Variants in GABRA5 observed in about 807,000 individuals in gnomAD.
GABRA5 encodes gamma-aminobutyric acid receptor subunit alpha-5.
In GABRA5, 18 loss-of-function variants were observed where a neutral mutation model predicts 47.3. The observed-to-expected ratio is 0.38, with a 90% CI of 0.26 to 0.56. The LOEUF (loss-of-function observed/expected upper bound fraction) is 0.56. GABRA5 is among the 20% of genes least tolerant of loss of function. GABRA5 has a pLI of 0.71. For missense variants in GABRA5, 365 were observed against 599.3 expected, an observed-to-expected ratio of 0.61 and a Z score of 4.08; for synonymous variants, 237 against 229.3, an observed-to-expected ratio of 1.03 and a Z score of -0.30.
At chr15:26,903,068 C>G (rs920322004) in intron 6 of GABRA5, among the ~76,000 whole-genome samples, 2 of 152,012 alleles carry the variant, frequency 1.3e-5, no homozygotes, top group Non-Finnish European at 2.9e-5. Flanking sequence ...GGTATTAAGC[C>G]TAGTAGCCAA....
intron 7 of GABRA5, among the ~76,000 whole-genome samples, chr15:26,934,026 G>C (rs926891447): frequency 3.3e-5 from 5 of 152,032 alleles, no homozygotes; most frequent in African/African-American, 1.2e-4. Context: ...GCTGAGGCGG[G>C]TGTATCGCTT....
At chr15:26,873,616 C>G (rs146338997) in intron 3 of GABRA5, among the ~76,000 whole-genome samples, 42 of 152,300 alleles carry the variant, frequency 2.8e-4, no homozygotes, top group Non-Finnish European at 5.3e-4. Context: ...GGACAGTTCC[C>G]TTCTTTTAAA....
Position 26,874,872 on chromosome 15 carries a change from C to T in GABRA5, c.86+5538C>T, listed in dbSNP as rs113079789. The stretch of plus-strand genomic sequence containing the variant: ...TTGGGCCATCACTGTACTGTCAGTT[C>T]GGTTCCTGTTTCAGGACCGCTGGTG... On this transcript the variant is annotated intron_variant, in intron 3 of 10. Transcript: ENST00000335625. Among the ~76,000 whole-genome samples the T allele has an allele frequency of 6.7e-4, 102 of 152,328 alleles. 1 individual carries two copies. The highest frequency in any genetic ancestry group is 2.0e-3 in the African/African-American group (84 of 41,572).
intron 10 of GABRA5, 38 bp from the exon 11 acceptor site, chr15:26,947,896 C>CA: frequency 6.5e-7 from 1 of 1,526,812 alleles, no homozygotes; most frequent in Non-Finnish European, 8.9e-7. Flanking sequence ...CCATTGCCTG[C>CA]AAATGGCGTG....
rs1329389847 is a variant in GABRA5 at position 26,867,202 on chromosome 15, G to C, written c.-140+91G>C. On this transcript the variant is annotated intron_variant, in intron 1 of 10. Transcript: ENST00000335625. This position sits in a 1 kb window ranked among gnomAD's most constrained non-coding sequence, Gnocchi z 5.9. Reference sequence around the variant, plus strand: ...GGCGCGGCGCGGAGCGGAGCTGCAGGGCGGCGGCGGGAGCGCGGGGCGCAA... The same window carrying C: ...GGCGCGGCGCGGAGCGGAGCTGCAGCGCGGCGGCGGGAGCGCGGGGCGCAA... 6.7e-6 allele frequency: 1 copy of C among 149,552 alleles called. No homozygotes were observed. Among genetic ancestry groups the C allele is most frequent in the African/African-American group, 2.4e-5 (1 of 41,042 alleles). 9.3% of individuals were successfully genotyped at this position (149,552 alleles called of 1,614,324 possible). A position where few individuals can be genotyped will look rare whatever the true frequency, so the allele number is the denominator to read the frequency against.
intron 7 of GABRA5, among the ~76,000 whole-genome samples, chr15:26,926,123 C>T (rs1488357977): frequency 6.6e-6 from 1 of 152,212 alleles, no homozygotes; most frequent in Admixed American, 6.5e-5. Context: ...TGAGCATCAG[C>T]TGCCTTGCAG....
At chr15:26,892,919 G>T (rs1055860735) in intron 6 of GABRA5, among the ~76,000 whole-genome samples, 15 of 151,904 alleles carry the variant, frequency 9.9e-5, no homozygotes, top group Admixed American at 9.8e-4. Context: ...TTGTGTGTGC[G>T]TGATGTGTGT....
At chr15:26,877,601 C>T (rs1271036535) in intron 3 of GABRA5, 6 of 448,360 alleles carry the variant, frequency 1.3e-5, no homozygotes, top group Admixed American at 7.3e-5. Context: ...AAGAGAAGCA[C>T]GTCACACACT....
chr15:26,877,813 T>A (rs1892634690), intron 3 of GABRA5: 1 of 359,540 alleles, frequency 2.8e-6, no homozygotes, highest in African/African-American at 2.2e-5. Context: ...CCTAGTGAAT[T>A]AACCCAGACT....
intron 6 of GABRA5, among the ~76,000 whole-genome samples, chr15:26,905,320 C>T (rs1307044563): frequency 2.0e-5 from 3 of 151,830 alleles, no homozygotes; most frequent in Non-Finnish European, 2.9e-5. Context: ...TTTCCTCCCA[C>T]CACCTCTGGG....
intron 6 of GABRA5, among the ~76,000 whole-genome samples, chr15:26,890,611 C>T (rs1892983475): frequency 6.6e-6 from 1 of 152,126 alleles, no homozygotes; most frequent in African/African-American, 2.4e-5. Flanking sequence ...TTCATGTCCT[C>T]AGTCACTGAA....
intron 6 of GABRA5, among the ~76,000 whole-genome samples, chr15:26,898,730 C>T (rs1172633632): frequency 1.4e-5 from 2 of 142,476 alleles, no homozygotes; most frequent in African/African-American, 5.2e-5. Context: ...TTAGCGTGCT[C>T]TTTTTTTTTT....
intron 7 of GABRA5, among the ~76,000 whole-genome samples, chr15:26,935,553 C>T (rs545177992): frequency 7.9e-5 from 12 of 152,210 alleles, no homozygotes; most frequent in African/African-American, 9.6e-5. Context: ...CCCCTGGTCT[C>T]GGGTTAGTAT....
intron 7 of GABRA5, among the ~76,000 whole-genome samples, chr15:26,926,749 A>G (rs1166960712): frequency 6.6e-6 from 1 of 152,312 alleles, no homozygotes; most frequent in East Asian, 1.9e-4. Flanking sequence ...AAAACACTCT[A>G]AGTCAAAGAT....
intron 7 of GABRA5, among the ~76,000 whole-genome samples, chr15:26,930,003 CTTCT>C (rs1224348910): frequency 0.026 from 2,980 of 114,900 alleles, 47 homozygotes; most frequent in African/African-American, 0.071. Flanking sequence ...TCTTCTTCTT[CTTCT>C]TTTTTTTTTT....
chr15:26,879,891 G>A (rs929664905), intron 3 of GABRA5, among the ~76,000 whole-genome samples: 2 of 152,176 alleles, frequency 1.3e-5, no homozygotes, highest in African/African-American at 4.8e-5. Flanking sequence ...GGGAACCACA[G>A]CTGGCTTTCA....
intron 10 of GABRA5, among the ~76,000 whole-genome samples, chr15:26,945,568 C>T (rs1894490881): frequency 6.6e-6 from 1 of 152,178 alleles, no homozygotes; most frequent in Admixed American, 6.5e-5. Flanking sequence ...TGCCTCATGT[C>T]AGGGATGTGG....
intron 9 of GABRA5, among the ~76,000 whole-genome samples, chr15:26,942,383 G>C (rs1297144730): frequency 1.3e-5 from 2 of 152,204 alleles, no homozygotes; most frequent in Non-Finnish European, 2.9e-5. Context: ...AGGGGATACT[G>C]TTCCCTCTTT....
At chr15:26,879,913 C>T (rs937002580) in intron 3 of GABRA5, among the ~76,000 whole-genome samples, 1 of 152,160 alleles carries the variant, frequency 6.6e-6, no homozygotes, top group Admixed American at 6.5e-5. Context: ...TTTGGTAAGT[C>T]CCCTTGAAGC....
Sources: gnomAD v4.1 joint callset for allele counts (sites outside exome capture counted in the v4.1 genomes callset) on GRCh38, gnomAD v4.1.1 for gene constraint, Gnocchi (gnomAD v3.1) non-coding constraint, MANE v1.5 for transcripts, NCBI Gene and HGNC (gene_info 2026-07-23, HGNC 2026-07-21) for gene names.